The following ZRANB3 variants were observed in gnomAD, a reference collection of about 807,000 sequenced individuals.
ZRANB3 encodes DNA annealing helicase and endonuclease ZRANB3.
Under a neutral mutation model 133.8 loss-of-function variants are expected in ZRANB3, and 125 were observed. That is an observed-to-expected ratio of 0.93 (90% CI 0.81 to 1.08). The LOEUF is 1.08. Ranked by LOEUF, ZRANB3 falls within the 50% of genes least tolerant of loss-of-function variation. The pLI is 0.00. For missense variants in ZRANB3, 1,229 were observed against 1,275.5 expected (o/e 0.96, Z 0.56); for synonymous variants, 387 against 432.7 (o/e 0.89, Z 1.31).
At chr2:135,359,000 A>G (rs1573971245) in intron 3 of ZRANB3, among the ~76,000 whole-genome samples, 2 of 151,284 alleles carry the variant, frequency 1.3e-5, no homozygotes, top group Admixed American at 6.6e-5. Flanking sequence ...AGTCATTTTT[A>G]TATCTACTTG....
chr2:135,424,471 G>A (rs1264125099), intron 2 of ZRANB3, among the ~76,000 whole-genome samples: 8 of 152,146 alleles, frequency 5.3e-5, no homozygotes, highest in South Asian at 4.1e-4. Flanking sequence ...AGTGGCTCAC[G>A]TCTGTAATCC....
At chr2:135,509,272 A>G (rs1693335782) in intron 1 of ZRANB3, among the ~76,000 whole-genome samples, 1 of 152,164 alleles carries the variant, frequency 6.6e-6, no homozygotes, top group Admixed American at 6.5e-5. Context: ...CCAGAATAAA[A>G]CTTACTACAA....
At chr2:135,347,258 GTATATAA>G (rs1684978625) in intron 5 of ZRANB3, among the ~76,000 whole-genome samples, 1 of 150,192 alleles carries the variant, frequency 6.7e-6, no homozygotes, top group African/African-American at 2.4e-5. Context: ...ATACACATGA[GTATATAA>G]TTTTTGGTGA....
chr2:135,400,588 T>C (rs1687693234), intron 2 of ZRANB3, among the ~76,000 whole-genome samples: 1 of 152,238 alleles, frequency 6.6e-6, no homozygotes, highest in Non-Finnish European at 1.5e-5. Flanking sequence ...AAAGGTCTTA[T>C]GTATCAAACT....
chr2:135,393,331 T>C (rs569556348), intron 2 of ZRANB3, among the ~76,000 whole-genome samples: 6 of 152,152 alleles, frequency 3.9e-5, no homozygotes, highest in African/African-American at 1.2e-4. Context: ...GGAAGATTCA[T>C]GTATAGATTT....
At chr2:135,417,279 C>T (rs536522036) in intron 2 of ZRANB3, among the ~76,000 whole-genome samples, 6 of 152,000 alleles carry the variant, frequency 3.9e-5, no homozygotes, top group African/African-American at 7.3e-5. Context: ...AAACAAACAA[C>T]CCCATCAAAA....
chr2:135,325,359 G>C (rs1232374817), intron 6 of ZRANB3, among the ~76,000 whole-genome samples: 1 of 151,898 alleles, frequency 6.6e-6, no homozygotes, highest in African/African-American at 2.4e-5. Flanking sequence ...CTGAACCAGT[G>C]AATGTCCACA....
chr2:135,228,088 T>C, intron 13 of ZRANB3, 73 bp from the exon 14 acceptor site: 2 of 1,252,102 alleles, frequency 1.6e-6, no homozygotes, highest in Admixed American at 5.3e-5. Flanking sequence ...ATGTAACAGT[T>C]AGGTCTTATA....
intron 12 of ZRANB3, among the ~76,000 whole-genome samples, chr2:135,263,183 A>G (rs1290734743): frequency 1.3e-5 from 2 of 152,184 alleles, no homozygotes; most frequent in African/African-American, 2.4e-5. Context: ...TTTACTATAT[A>G]TATGTACTCA....
chr2:135,413,857 G>T (rs1026769539), intron 2 of ZRANB3, among the ~76,000 whole-genome samples: 1 of 151,924 alleles, frequency 6.6e-6, no homozygotes, highest in Non-Finnish European at 1.5e-5. Flanking sequence ...AGCCAAACTA[G>T]GCTTCATAAG....
chr2:135,420,108 T>A (rs907728339), intron 2 of ZRANB3, among the ~76,000 whole-genome samples: 2 of 143,264 alleles, frequency 1.4e-5, no homozygotes, highest in African/African-American at 2.5e-5. Context: ...TATATATATA[T>A]ATATATATAT....
chr2:135,345,342 C>T, intron 6 of ZRANB3: 1 of 415,696 alleles, frequency 2.4e-6, no homozygotes, highest in Non-Finnish European at 4.3e-6. Context: ...GTGGCGCATG[C>T]CTGTAATCCC....
At chr2:135,221,968 T>A (rs1694572615) in intron 15 of ZRANB3, among the ~76,000 whole-genome samples, 1 of 152,244 alleles carries the variant, frequency 6.6e-6, no homozygotes, top group Non-Finnish European at 1.5e-5. Flanking sequence ...ACACTATCTA[T>A]CTATATCTAT....
intron 1 of ZRANB3, among the ~76,000 whole-genome samples, chr2:135,527,328 G>A (rs1694204523): frequency 6.6e-6 from 1 of 152,210 alleles, no homozygotes; most frequent in Non-Finnish European, 1.5e-5. Context: ...GGGAGGTGAG[G>A]TGGGTGGATC....
chr2:135,379,669 A>G (rs1210202302), intron 3 of ZRANB3, among the ~76,000 whole-genome samples: 3 of 152,164 alleles, frequency 2.0e-5, no homozygotes, highest in Non-Finnish European at 4.4e-5. Flanking sequence ...AGCACTAAAC[A>G]TGGAAAGAAT....
rs765807244 is a variant in ZRANB3 at position 135,265,620 on chromosome 2, C to T, written c.1453G>A (p.Glu485Lys). 4 of 1,613,514 alleles carry T rather than the reference C, an allele frequency of 2.5e-6. No homozygotes were observed. The Admixed American group carries it at 6.7e-5, about 27-fold the overall frequency. ...EKIQAEEGDK[E>K]KWDFLQFAEA... ...GCAAACTGCAGGAAATCCCATTTTT[C>T]CTTATCACCTTCCTCAGCCTGAATT... The change falls in exon 12 of 21, where the codon GAA becomes AAA. Residue 485 changes from glutamate (E) to lysine (K), a missense_variant. Glu to Lys is a moderately conservative substitution (Grantham distance 56). Coordinates refer to ENST00000264159, the MANE Select transcript of ZRANB3 (RefSeq NM_032143.4).
chr2:135,355,261 T>G (rs1685378020), intron 3 of ZRANB3: 1 of 985,306 alleles, frequency 1.0e-6, no homozygotes, highest in South Asian at 4.7e-5. Context: ...TTTCCGTGTC[T>G]TCAAAGCCCT....
intron 2 of ZRANB3, among the ~76,000 whole-genome samples, chr2:135,403,700 C>T (rs1157168162): frequency 2.6e-5 from 4 of 152,172 alleles, no homozygotes; most frequent in African/African-American, 9.7e-5. Flanking sequence ...GGAGGCACCC[C>T]CGAGTAGGGG....
intron 8 of ZRANB3, among the ~76,000 whole-genome samples, chr2:135,310,862 C>T (rs563246059): frequency 6.6e-6 from 1 of 151,098 alleles, no homozygotes; most frequent in East Asian, 1.9e-4. Context: ...TTAAGTAGCA[C>T]ATGACTGATA....
Sources: allele counts gnomAD v4.1 joint callset (sites outside exome capture counted in the v4.1 genomes callset), GRCh38; gene constraint gnomAD v4.1.1; transcripts MANE v1.5; gene names NCBI Gene and HGNC (gene_info 2026-07-23, HGNC 2026-07-21).